The following XRCC4 variants were observed in gnomAD, a reference collection of about 807,000 sequenced individuals.
The protein encoded by XRCC4 is DNA repair protein XRCC4.
Under a neutral mutation model 39.1 loss-of-function variants are expected in XRCC4, and 28 were observed. The ratio of observed to expected loss-of-function variants is 0.72; its 90% CI spans 0.53 to 0.98. The LOEUF is 0.98. Ranked by LOEUF, XRCC4 falls within the 50% of genes least tolerant of loss-of-function variation. XRCC4 has a pLI of 0.00. For synonymous variants in XRCC4, 123 were observed against 126.4 expected (o/e 0.97, Z 0.18); for missense variants, 350 against 376.4 (o/e 0.93, Z 0.58).
At chr5:83,352,495 A>C (rs1012882931) in intron 7 of XRCC4, among the ~76,000 whole-genome samples, 1 of 152,206 alleles carries the variant, frequency 6.6e-6, no homozygotes, top group African/African-American at 2.4e-5. Context: ...TTAGGATTCA[A>C]AGAAAATATC....
chr5:83,334,578 A>G (rs1218886406), intron 7 of XRCC4, among the ~76,000 whole-genome samples: 2 of 152,034 alleles, frequency 1.3e-5, no homozygotes, highest in Admixed American at 6.6e-5. Flanking sequence ...GATATTCACC[A>G]ACAAATTATT....
intron 3 of XRCC4, among the ~76,000 whole-genome samples, chr5:83,139,193 T>C (rs1748044519): frequency 6.6e-6 from 1 of 152,172 alleles, no homozygotes; most frequent in East Asian, 1.9e-4. Context: ...CGTTAGTGTT[T>C]GTTTTTCATG....
At chr5:83,326,478 T>C (rs1756264891) in intron 7 of XRCC4, among the ~76,000 whole-genome samples, 1 of 152,104 alleles carries the variant, frequency 6.6e-6, no homozygotes, top group South Asian at 2.1e-4. Flanking sequence ...TTTTTAACCA[T>C]GATTAAAAGA....
At chr5:83,284,166 C>A (rs966980237) in intron 7 of XRCC4, among the ~76,000 whole-genome samples, 1 of 150,094 alleles carries the variant, frequency 6.7e-6, no homozygotes, top group African/African-American at 2.5e-5. Flanking sequence ...ATTGATGATC[C>A]TATTCATGAA....
At chr5:83,312,475 T>C (rs184378344) in intron 7 of XRCC4, among the ~76,000 whole-genome samples, 3 of 152,294 alleles carry the variant, frequency 2.0e-5, no homozygotes, top group African/African-American at 7.2e-5. Context: ...AGGAGCATCA[T>C]ATTAGGTCAA....
the XRCC4 span, among the ~76,000 whole-genome samples, chr5:83,367,709 G>A: frequency 6.6e-6 from 1 of 151,266 alleles, no homozygotes; most frequent in African/African-American, 2.4e-5. Context: ...CAGTGGAGAA[G>A]ATGGGAGAGG....
At chr5:83,277,060 CTCATCTA>C (rs1561449921) in intron 7 of XRCC4, among the ~76,000 whole-genome samples, 1 of 152,052 alleles carries the variant, frequency 6.6e-6, no homozygotes, top group East Asian at 1.9e-4. Context: ...TTATATTGAA[CTCATCTA>C]TCTATGTAGA....
intron 6 of XRCC4, among the ~76,000 whole-genome samples, chr5:83,229,693 CTT>C (rs1752426676): frequency 1.0e-5 from 1 of 98,736 alleles, no homozygotes; most frequent in Non-Finnish European, 1.9e-5. Flanking sequence ...CTAAAGATGA[CTT>C]TTATGACCAA....
Position 83,163,037 on chromosome 5 carries a change from C to T in XRCC4, c.316-32733C>T, listed in dbSNP as rs777691287. On this transcript the variant is annotated intron_variant, in intron 3 of 7. Transcript: ENST00000396027. Reference sequence around the variant, plus strand: ...TGATCTCGGCTCACTGCAACCTCCACCTCCCAAGTTCAAGCAATTCTGCCT... The same window carrying T: ...TGATCTCGGCTCACTGCAACCTCCATCTCCCAAGTTCAAGCAATTCTGCCT... Among the ~76,000 whole-genome samples, 17 of 149,878 alleles carry T rather than the reference C, an allele frequency of 1.1e-4. 1 individual carries two copies. The highest frequency in any genetic ancestry group is 6.7e-5 in the Admixed American group (1 of 15,022).
intron 7 of XRCC4, among the ~76,000 whole-genome samples, chr5:83,276,369 A>C (rs907143656): frequency 6.7e-6 from 1 of 149,796 alleles, no homozygotes; most frequent in Non-Finnish European, 1.5e-5. Flanking sequence ...CAAATGTGTC[A>C]GTATTGAGAG....
chr5:83,261,060 A>C (rs1343977165), intron 7 of XRCC4, among the ~76,000 whole-genome samples: 1 of 151,916 alleles, frequency 6.6e-6, no homozygotes, highest in Non-Finnish European at 1.5e-5. Flanking sequence ...ATTTTTTTAT[A>C]CTATAGGATT....
intron 6 of XRCC4, among the ~76,000 whole-genome samples, chr5:83,249,636 A>C (rs1342081402): frequency 1.3e-5 from 2 of 152,168 alleles, no homozygotes; most frequent in Non-Finnish European, 2.9e-5. Context: ...AATTCTGTTA[A>C]GTTCTTCTTC....
intron 1 of XRCC4, among the ~76,000 whole-genome samples, chr5:83,095,055 A>G (rs1745614205): frequency 1.3e-5 from 2 of 151,994 alleles, no homozygotes; most frequent in Non-Finnish European, 1.5e-5. Context: ...TCCAGCTTTT[A>G]CAGGTGTTCG....
Position 83,092,852 on chromosome 5 carries a change from A to G in XRCC4, c.-10-12058A>G, listed in dbSNP as rs188414353. ...TATCAAACCACAAAGGAAAATTGCA[A>G]GAGATGAAGAAGGAAACAAAATATC... is the stretch of plus-strand genomic sequence containing the variant. On this transcript the variant is annotated intron_variant, in intron 1 of 7. Transcript: ENST00000396027. Among the ~76,000 whole-genome samples the G allele has an allele frequency of 5.9e-3, 902 of 152,292 alleles. 3 individuals are homozygous for G. The highest frequency in any genetic ancestry group is 9.8e-3 in the Non-Finnish European group (665 of 68,004).
intron 3 of XRCC4, among the ~76,000 whole-genome samples, chr5:83,130,770 G>A (rs1194298372): frequency 1.3e-5 from 2 of 152,140 alleles, no homozygotes; most frequent in African/African-American, 4.8e-5. Flanking sequence ...GGTGTTTATA[G>A]TATTCTCTGA....
At chr5:83,301,634 C>G (rs2112044425) in intron 7 of XRCC4, among the ~76,000 whole-genome samples, 1 of 152,278 alleles carries the variant, frequency 6.6e-6, no homozygotes, top group South Asian at 2.1e-4. Flanking sequence ...GTGTTTTAGT[C>G]ATGAAGTCTT....
chr5:83,303,752 T>A (rs1168085498), intron 7 of XRCC4, among the ~76,000 whole-genome samples: 1 of 152,170 alleles, frequency 6.6e-6, no homozygotes, highest in African/African-American at 2.4e-5. Flanking sequence ...TTAGGTAATG[T>A]TATATGGAAT....
chr5:83,273,031 A>G (rs1754197215), intron 7 of XRCC4, among the ~76,000 whole-genome samples: 6 of 152,182 alleles, frequency 3.9e-5, no homozygotes, highest in Admixed American at 3.9e-4. Context: ...GAACTAATTT[A>G]CACTCCCACC....
intron 7 of XRCC4, among the ~76,000 whole-genome samples, chr5:83,288,824 G>A (rs1353331007): frequency 6.6e-6 from 1 of 151,360 alleles, no homozygotes; most frequent in Non-Finnish European, 1.5e-5. Context: ...TTTGTGACTG[G>A]CATTATTTTT....
Sources: gnomAD v4.1 joint callset for allele counts (sites outside exome capture counted in the v4.1 genomes callset) on GRCh38, gnomAD v4.1.1 for gene constraint, MANE v1.5 for transcripts, NCBI Gene and HGNC (gene_info 2026-07-23, HGNC 2026-07-21) for gene names.